The following ULK4 variants were observed in gnomAD, a reference collection of about 807,000 sequenced individuals.
ULK4 encodes the protein unc-51 like kinase 4.
In ULK4, 133 loss-of-function variants were observed where a neutral mutation model predicts 160.6. The observed-to-expected ratio is 0.83, with a 90% CI of 0.72 to 0.96. The LOEUF (loss-of-function observed/expected upper bound fraction) is 0.96. Among genes scored for constraint, ULK4 ranks in the 40% least tolerant of loss-of-function variants. ULK4 has a pLI of 0.00. For synonymous variants in ULK4, 534 were observed against 539.8 expected, an observed-to-expected ratio of 0.99 and a Z score of 0.15; for missense variants, 1,580 against 1,499.5, an observed-to-expected ratio of 1.05 and a Z score of -0.89.
At chr3:41,508,597 A>T (rs528420577) in intron 32 of ULK4, among the ~76,000 whole-genome samples, 2 of 152,260 alleles carry the variant, frequency 1.3e-5, no homozygotes, top group African/African-American at 4.8e-5. Context: ...CCACCAGAGG[A>T]GGTGCTGGTA....
At chr3:41,731,745 T>A (rs138955149) in intron 22 of ULK4, among the ~76,000 whole-genome samples, 324 of 149,044 alleles carry the variant, frequency 2.2e-3, no homozygotes, top group Non-Finnish European at 3.0e-3. Context: ...CTACAAAGTT[T>A]TGATAACCAA....
intron 32 of ULK4, among the ~76,000 whole-genome samples, chr3:41,500,833 A>T (rs1393793793): frequency 1.3e-5 from 2 of 152,092 alleles, no homozygotes; most frequent in Non-Finnish European, 2.9e-5. Flanking sequence ...TGTGATGGCA[A>T]ATTTTTGTTA....
At chr3:41,704,647 G>T (rs530932917) in intron 27 of ULK4, among the ~76,000 whole-genome samples, 41 of 152,208 alleles carry the variant, frequency 2.7e-4, no homozygotes, top group African/African-American at 9.4e-4. Context: ...ACGGAGTGGG[G>T]CTACCAGCAT....
chr3:41,695,006 G>T (rs1402029063), intron 27 of ULK4, among the ~76,000 whole-genome samples: 1 of 152,176 alleles, frequency 6.6e-6, no homozygotes, highest in Non-Finnish European at 1.5e-5. Flanking sequence ...CAGTTTAGGA[G>T]GCTGGGAAGT....
intron 5 of ULK4, among the ~76,000 whole-genome samples, chr3:41,931,485 A>AG (rs1553688687): frequency 1.3e-5 from 2 of 151,838 alleles, no homozygotes; most frequent in African/African-American, 2.4e-5. Context: ...AAAAAAAAAA[A>AG]AAAGAAAGAA....
intron 27 of ULK4, among the ~76,000 whole-genome samples, chr3:41,684,918 T>G (rs373065992): frequency 6.6e-6 from 1 of 152,232 alleles, no homozygotes; most frequent in African/African-American, 2.4e-5. Context: ...ACAAATTATC[T>G]TGAGCAGCTG....
chr3:41,597,086 T>C (rs1437944629), intron 31 of ULK4, among the ~76,000 whole-genome samples: 1 of 152,108 alleles, frequency 6.6e-6, no homozygotes, highest in Non-Finnish European at 1.5e-5. Flanking sequence ...CGCTCCCCTC[T>C]CAGGAGTCAT....
At chr3:41,513,679 T>G (rs573767411) in intron 32 of ULK4, among the ~76,000 whole-genome samples, 1 of 152,148 alleles carries the variant, frequency 6.6e-6, no homozygotes, top group African/African-American at 2.4e-5. Flanking sequence ...CTGGATAGAA[T>G]TGGAGACTAT....
chr3:41,276,941 CT>C (rs1427117031), intron 35 of ULK4, among the ~76,000 whole-genome samples: 2 of 152,082 alleles, frequency 1.3e-5, no homozygotes, highest in East Asian at 3.9e-4. Context: ...GATATTACAA[CT>C]GACACAACTG....
chr3:41,464,938 C>T (rs542974551), intron 32 of ULK4, among the ~76,000 whole-genome samples: 4 of 152,088 alleles, frequency 2.6e-5, no homozygotes, highest in Non-Finnish European at 4.4e-5. Flanking sequence ...AGAATGAATG[C>T]AATCAAATCC....
chr3:41,404,333 T>C (rs2082251880), intron 34 of ULK4, among the ~76,000 whole-genome samples: 1 of 151,920 alleles, frequency 6.6e-6, no homozygotes, highest in South Asian at 2.1e-4. Flanking sequence ...AATCATTAGG[T>C]AATGTCCCTC....
At chr3:41,771,354 AAG>A (rs1212225264) in intron 21 of ULK4, among the ~76,000 whole-genome samples, 1 of 152,218 alleles carries the variant, frequency 6.6e-6, no homozygotes, top group Non-Finnish European at 1.5e-5. Flanking sequence ...TGAAATAAGA[AAG>A]AATACATTGT....
At chr3:41,683,901 A>G (rs2036008162) in intron 27 of ULK4, among the ~76,000 whole-genome samples, 1 of 152,170 alleles carries the variant, frequency 6.6e-6, no homozygotes, top group Non-Finnish European at 1.5e-5. Flanking sequence ...TGTCTATTCA[A>G]GCATGCAAGC....
At chr3:41,466,493 C>G (rs1575262210) in intron 32 of ULK4, among the ~76,000 whole-genome samples, 1 of 152,102 alleles carries the variant, frequency 6.6e-6, no homozygotes. Flanking sequence ...ACCATTACCT[C>G]ACACAACATA....
At chr3:41,664,663 T>G (rs1487409220) in intron 29 of ULK4, among the ~76,000 whole-genome samples, 1 of 152,194 alleles carries the variant, frequency 6.6e-6, no homozygotes, top group Admixed American at 6.5e-5. Flanking sequence ...AGCTGTTAAC[T>G]GGGTACATTG....
At chr3:41,901,699 C>T (rs1455865032) in intron 12 of ULK4, among the ~76,000 whole-genome samples, 20 of 151,366 alleles carry the variant, frequency 1.3e-4, no homozygotes, top group Admixed American at 1.3e-3. Context: ...AGGCTGGTCT[C>T]GAACTCCTGG....
chr3:41,337,023 G>A (rs1447502018), intron 35 of ULK4, among the ~76,000 whole-genome samples: 1 of 152,166 alleles, frequency 6.6e-6, no homozygotes, highest in African/African-American at 2.4e-5. Context: ...TTATTGGATT[G>A]TCACAAAAAT....
intron 16 of ULK4, among the ~76,000 whole-genome samples, chr3:41,888,433 G>A (rs1455043821): frequency 1.3e-5 from 2 of 152,112 alleles, no homozygotes; most frequent in Admixed American, 6.5e-5. Context: ...AACCAACAAG[G>A]GAATCCTCTA....
chr3:41,430,139 G>A (rs144217518), intron 34 of ULK4, among the ~76,000 whole-genome samples: 59 of 152,072 alleles, frequency 3.9e-4, no homozygotes, highest in African/African-American at 1.4e-3. Context: ...TCCATTAAAA[G>A]AATATAACTT....
Sources: gnomAD v4.1 joint callset for allele counts (sites outside exome capture counted in the v4.1 genomes callset) on GRCh38, gnomAD v4.1.1 for gene constraint, MANE v1.5 for transcripts, NCBI Gene and HGNC (gene_info 2026-07-23, HGNC 2026-07-21) for gene names.